ANKRD30B: variants seen among roughly 807,000 people sequenced by gnomAD.
The protein encoded by ANKRD30B is ankyrin repeat domain-containing protein 30B.
ANKRD30B carries 144 observed loss-of-function variants against 202.2 expected under a neutral mutation model. That is an observed-to-expected ratio of 0.71 (90% CI 0.62 to 0.82). ANKRD30B has a LOEUF of 0.82. Ranked by LOEUF, ANKRD30B falls within the 40% of genes least tolerant of loss-of-function variation. The pLI, the probability that ANKRD30B is intolerant of heterozygous loss-of-function variation, is 0.00. For synonymous variants in ANKRD30B, 508 were observed against 561.3 expected (o/e 0.91, Z 1.34); for missense variants, 1,487 against 1,669.1 (o/e 0.89, Z 1.90).
intron 30 of ANKRD30B, among the ~76,000 whole-genome samples, chr18:14,817,802 G>A (rs775273275): frequency 2.0e-5 from 3 of 152,166 alleles, no homozygotes; most frequent in Non-Finnish European, 4.4e-5. Context: ...AATGAATCGA[G>A]AATGACCTTC....
intron 5 of ANKRD30B, chr18:14,759,091 C>A (rs1367856896): frequency 6.6e-6 from 1 of 152,162 alleles, no homozygotes; most frequent in Non-Finnish European, 1.5e-5. Flanking sequence ...TGAAGGCATT[C>A]AATAGACTTC....
intron 22 of ANKRD30B, among the ~76,000 whole-genome samples, chr18:14,800,012 C>A (rs976787455): frequency 6.6e-6 from 1 of 151,876 alleles, no homozygotes. Context: ...GGGCAGATTA[C>A]TTAAGGTCAG....
chr18:14,899,972 T>C, the ANKRD30B span, among the ~76,000 whole-genome samples: 4 of 152,168 alleles, frequency 2.6e-5, no homozygotes, highest in Admixed American at 2.0e-4. Context: ...AGTAAATCTA[T>C]CTCATCTTTC....
chr18:14,934,907 ACC>A, the ANKRD30B span, among the ~76,000 whole-genome samples: 4 of 91,170 alleles, frequency 4.4e-5, no homozygotes, highest in Non-Finnish European at 8.6e-5. Context: ...TCCTCCCTCT[ACC>A]ACACACACAC....
Position 14,810,016 on chromosome 18 carries a change from T to C in ANKRD30B, c.2415+2T>C. On this transcript the variant is annotated splice_donor_variant, in intron 27 of 43. Transcript: ENST00000690538. LOFTEE classifies it high-confidence loss of function. ...CCTGATAAAGATGGTCTTCTGAAGGTAATAACTTTTATATTTTTATCTTGA... is the reference window on the plus strand; with the variant it reads ...CCTGATAAAGATGGTCTTCTGAAGGCAATAACTTTTATATTTTTATCTTGA... 1 of 1,426,078 alleles carries C rather than the reference T, an allele frequency of 7.0e-7. No homozygotes were observed. Among genetic ancestry groups the C allele is most frequent in the Non-Finnish European group, 9.8e-7 (1 of 1,019,924 alleles). 88.3% of individuals were successfully genotyped at this position (1,426,078 alleles called of 1,614,324 possible). A position where few individuals can be genotyped will look rare whatever the true frequency, so the allele number is the denominator to read the frequency against.
chr18:14,776,617 A>AT (rs1967370165), intron 9 of ANKRD30B, among the ~76,000 whole-genome samples: 1 of 152,158 alleles, frequency 6.6e-6, no homozygotes, highest in African/African-American at 2.4e-5. Flanking sequence ...CGTCATCCTC[A>AT]TTTTTCTAAG....
the ANKRD30B span, among the ~76,000 whole-genome samples, chr18:14,904,692 C>T: frequency 1.3e-5 from 2 of 152,134 alleles, no homozygotes; most frequent in Non-Finnish European, 2.9e-5. Context: ...TTATTCTTAA[C>T]CAATATGAGT....
At chr18:14,863,957 CAAAT>C in the ANKRD30B span, among the ~76,000 whole-genome samples, 1 of 151,382 alleles carries the variant, frequency 6.6e-6, no homozygotes, top group East Asian at 1.9e-4. Flanking sequence ...TTAACATATG[CAAAT>C]CAATAAATGT....
chr18:14,927,302 G>A, the ANKRD30B span, among the ~76,000 whole-genome samples: 2 of 151,876 alleles, frequency 1.3e-5, no homozygotes, highest in African/African-American at 4.8e-5. Context: ...CGAACTCAGG[G>A]CCTACACAAT....
At chr18:14,923,184 G>T in the ANKRD30B span, among the ~76,000 whole-genome samples, 29 of 152,318 alleles carry the variant, frequency 1.9e-4, no homozygotes, top group Admixed American at 1.8e-3. Context: ...CCACACTGGG[G>T]TAGACCACCA....
chr18:14,913,610 C>G, the ANKRD30B span, among the ~76,000 whole-genome samples: 3 of 152,180 alleles, frequency 2.0e-5, no homozygotes, highest in Non-Finnish European at 4.4e-5. Context: ...GTGGCAAGCC[C>G]TTACAAAATG....
the ANKRD30B span, among the ~76,000 whole-genome samples, chr18:14,887,294 G>T: frequency 6.6e-6 from 1 of 152,040 alleles, no homozygotes; most frequent in African/African-American, 2.4e-5. Context: ...TTGTGCTCTT[G>T]CATCTAACAG....
the ANKRD30B span, among the ~76,000 whole-genome samples, chr18:14,881,501 T>C: frequency 3.9e-5 from 6 of 152,170 alleles, no homozygotes; most frequent in Non-Finnish European, 8.8e-5. Flanking sequence ...TTGTTAGGGA[T>C]TTTGGCTTCT....
intron 30 of ANKRD30B, among the ~76,000 whole-genome samples, chr18:14,820,433 A>G (rs200144534): frequency 6.6e-6 from 1 of 152,048 alleles, no homozygotes; most frequent in Non-Finnish European, 1.5e-5. Context: ...GCATCCCTGT[A>G]TTGTGCCAGT....
the ANKRD30B span, among the ~76,000 whole-genome samples, chr18:14,898,476 C>T: frequency 1.3e-5 from 2 of 152,202 alleles, no homozygotes; most frequent in African/African-American, 4.8e-5. Flanking sequence ...ACCCACCACT[C>T]ACCTCCTGCT....
In ANKRD30B at chr18:14,808,733, C is replaced by T. The variant is rs1418374407; in HGVS notation, c.2375C>T (p.Thr792Ile). The T allele has an allele frequency of 2.0e-6, 3 of 1,474,782 alleles. No individual in the cohort carries two copies. The highest frequency in any genetic ancestry group is 2.7e-6 in the Non-Finnish European group (3 of 1,095,532). The allele number at this position is 1,474,782 out of a possible 1,614,324, so 91.4% of individuals were successfully genotyped here. Residue 792 changes from threonine to isoleucine, a missense_variant, in exon 26 of 44, where the codon ACA becomes ATA. Thr to Ile is a moderately conservative substitution (Grantham distance 89, BLOSUM62 -1). Around this residue, in one of 6 missense-constraint regions of ANKRD30B, gnomAD observed 218 missense variants for 320.1 expected, o/e 0.68. Coordinates refer to ENST00000690538, the MANE Select transcript of ANKRD30B (RefSeq NM_001367607.2). ...GCCTTAGAATTAAAGGACAGAGAAACACTCAAAGCAGGTAAATTTTGTAAT... is the reference window on the plus strand; with the variant it reads ...GCCTTAGAATTAAAGGACAGAGAAATACTCAAAGCAGGTAAATTTTGTAAT... ...NKALELKDRE[T>I]LKAESPDKDG... is the part of the protein sequence containing the mutation.
chr18:14,778,728 G>A (rs1967537045), intron 10 of ANKRD30B, among the ~76,000 whole-genome samples: 1 of 152,120 alleles, frequency 6.6e-6, no homozygotes, highest in Non-Finnish European at 1.5e-5. Flanking sequence ...AGCAGACTTG[G>A]GATTCTGGAA....
chr18:14,798,624 C>T (rs1245606968), intron 20 of ANKRD30B, among the ~76,000 whole-genome samples: 7 of 152,108 alleles, frequency 4.6e-5, no homozygotes, highest in Non-Finnish European at 8.8e-5. Flanking sequence ...ATAGCACTAT[C>T]TTATCCATAT....
At chr18:14,889,439 CATT>C in the ANKRD30B span, among the ~76,000 whole-genome samples, 1 of 152,128 alleles carries the variant, frequency 6.6e-6, no homozygotes, top group African/African-American at 2.4e-5. Context: ...CTGTTCCAGG[CATT>C]ATACTGAGCT....
Sources: gnomAD v4.1 joint callset for allele counts (sites outside exome capture counted in the v4.1 genomes callset) on GRCh38, gnomAD v4.1.1 for gene constraint, gnomAD v4.1.1 regional missense constraint, MANE v1.5 for transcripts, NCBI Gene and HGNC (gene_info 2026-07-23, HGNC 2026-07-21) for gene names.